Variants in MBD3 observed in about 807,000 individuals in gnomAD.
The protein encoded by MBD3 is methyl-CpG-binding domain protein 3.
A neutral mutation model predicts 31.2 loss-of-function variants in MBD3; 13 were observed. That is an observed-to-expected ratio of 0.42 (90% confidence interval 0.27 to 0.66). The LOEUF is 0.66. Among genes scored for constraint, MBD3 ranks in the 30% least tolerant of loss-of-function variants. The pLI is 0.26. For synonymous variants in MBD3, 223 were observed against 187.4 expected (o/e 1.19, Z -1.55); for missense variants, 440 against 426.5 (o/e 1.03, Z -0.28).
chr19:1,582,547 G>A, intron 4 of MBD3, 75 bp downstream of exon 4: 1 of 1,389,438 alleles, frequency 7.2e-7, no homozygotes, highest in African/African-American at 1.4e-5. Flanking sequence ...ACCCTGCCAG[G>A]AGATGAGGGC....
chr19:1,578,156 C>T lies in MBD3; in HGVS notation c.*8G>A. Reference sequence around the variant, plus strand: ...CAGGCAGCACGGGCTCTCGGCAGGGCCTCTGGAAAGGACAGGGAGGGCTGG... The same window carrying T: ...CAGGCAGCACGGGCTCTCGGCAGGGTCTCTGGAAAGGACAGGGAGGGCTGG... On this transcript the variant is annotated splice_region_variant and 3_prime_UTR_variant, in exon 7 of 7. Coordinates refer to ENST00000434436, the MANE Select transcript of MBD3 (RefSeq NM_001281453.2). The surrounding 1 kb of genome is among the most constrained non-coding windows in gnomAD (Gnocchi z 6.1). 1.1e-6 allele frequency: 1 copy of T among 951,630 alleles called. No individual in the cohort carries two copies. The highest frequency in any genetic ancestry group is 1.6e-6 in the Non-Finnish European group (1 of 643,870). The allele number at this position is 951,630 out of a possible 1,614,324, so 58.9% of individuals were successfully genotyped here.
At position 1,578,322 on chromosome 19, in the gene MBD3, G is replaced by GGCCCCGCA; in HGVS notation, c.*5+5_*5+12dup. The GGCCCCGCA allele has an allele frequency of 6.2e-7, 1 of 1,601,368 alleles. No individual in the cohort carries two copies. Among genetic ancestry groups the GGCCCCGCA allele is most frequent in the Non-Finnish European group, 8.5e-7 (1 of 1,179,694 alleles). ...GGACCCGACTCCAGGGAGCCCCCGT[G>GGCCCCGCA]GCCCCGCAGCACCTGCCCTAGACGT... On this transcript the variant is annotated intron_variant, in intron 6 of 6. Transcript: ENST00000434436. The surrounding 1 kb of genome is among the most constrained non-coding windows in gnomAD (Gnocchi z 6.1).
chr19:1,582,565 G>A, intron 4 of MBD3, 57 bp downstream of exon 4: 1 of 1,530,898 alleles, frequency 6.5e-7, no homozygotes, highest in Non-Finnish European at 9.0e-7. Flanking sequence ...GGCACCTGCA[G>A]CACCTCCACC....
intron 4 of MBD3, 98 bp downstream of exon 4, chr19:1,582,524 G>A: frequency 8.4e-7 from 1 of 1,193,258 alleles, no homozygotes. Flanking sequence ...ACCCAAAGCA[G>A]GAACAGCCAT....
intron 5 of MBD3, 142 bp downstream of exon 5, chr19:1,580,950 C>A: frequency 9.3e-7 from 1 of 1,073,674 alleles, no homozygotes; most frequent in South Asian, 1.4e-5. Flanking sequence ...GACGATGGGT[C>A]CCCTTGCCCT....
rs549639731 is a variant in MBD3 at position 1,591,446 on chromosome 19, G to GGAGCGGTCGTTCTGCCCCTCCTT, written c.110+1053_110+1075dup. The stretch of plus-strand genomic sequence containing the variant: ...CAGAGGACCGAAGTGCACAGTGGAC[G>GGAGCGGTCGTTCTGCCCCTCCTT]GAGCGGTCGTTCTGCCCCTCCTTGG... On this transcript the variant is annotated intron_variant, in intron 1 of 6. Transcript: ENST00000434436. Among the ~76,000 whole-genome samples, 71 of 152,322 alleles carry GGAGCGGTCGTTCTGCCCCTCCTT rather than the reference G, an allele frequency of 4.7e-4. No individual in the cohort carries two copies. In the East Asian group the frequency reaches 0.013, roughly 27 times the overall value.
intron 4 of MBD3, 140 bp downstream of exon 4, chr19:1,582,482 C>T: frequency 1.3e-6 from 1 of 780,454 alleles, no homozygotes; most frequent in Non-Finnish European, 2.1e-6. Context: ...TCCCCTCCTC[C>T]TGCCCCAGTC....
At chr19:1,579,698 G>A (rs1489534280) in intron 5 of MBD3, among the ~76,000 whole-genome samples, 1 of 152,096 alleles carries the variant, frequency 6.6e-6, no homozygotes. Context: ...CCACCTGCTC[G>A]TCATCTTTCC....
Position 1,585,372 on chromosome 19 carries a change from GC to G in MBD3, c.111-159del. The G allele has an allele frequency of 2.7e-6, 2 of 741,308 alleles. No homozygotes were observed. The highest frequency in any genetic ancestry group is 4.3e-6 in the Non-Finnish European group (2 of 460,590). The allele number at this position is 741,308 out of a possible 1,614,324, so 45.9% of individuals were successfully genotyped here. ...TGACCCCAAACCCAGGCAGGCCCTG[GC>G]CCCAGCCCCAGACCCCAACCCTGGC... On this transcript the variant is annotated intron_variant, in intron 1 of 6. Transcript: ENST00000434436. The surrounding 1 kb of genome is among the most constrained non-coding windows in gnomAD (Gnocchi z 4.1).
At chr19:1,583,858 G>A (rs182451886) in intron 3 of MBD3, among the ~76,000 whole-genome samples, 83 of 152,264 alleles carry the variant, frequency 5.5e-4, no homozygotes, top group African/African-American at 1.9e-3. Context: ...GTCTCGCTCT[G>A]TCGCCCAGGC....
chr19:1,592,721 TGCCGCCGCCGCC>T lies in MBD3; in HGVS notation c.-102_-91del. On this transcript the variant is annotated 5_prime_UTR_variant, in exon 1 of 7. Coordinates refer to ENST00000434436, the MANE Select transcript of MBD3 (RefSeq NM_001281453.2). ...CCGCCTCAGCTGCCTCCGCTGCCGC[TGCCGCCGCCGCC>T]ACTTGCCGCGGCTGTTCCGGCCCGC... The T allele has an allele frequency of 3.3e-6, 1 of 305,778 alleles. No homozygotes were observed. The highest frequency in any genetic ancestry group is 2.3e-5 in the African/African-American group (1 of 43,706). 18.9% of individuals were successfully genotyped at this position (305,778 alleles called of 1,614,324 possible). A position where few individuals can be genotyped will look rare whatever the true frequency, so the allele number is the denominator to read the frequency against.
rs150880184 is a variant in MBD3, at chr19:1,578,436, C to T, written c.780G>A (p.Ala260=). 28 of 1,606,046 alleles carry T rather than the reference C, an allele frequency of 1.7e-5. No homozygotes were observed. In the Admixed American group the frequency reaches 1.8e-4, roughly 11 times the overall value. Residue 260 remains alanine, a synonymous_variant, in exon 6 of 7, where the codon GCG becomes GCA. Transcript: ENST00000434436. The surrounding 1 kb of genome is among the most constrained non-coding windows in gnomAD (Gnocchi z 6.1). ...HVEELARDGE[A]PLDKACAEDD... is the part of the protein sequence containing the mutation. ...CCTCAGCGCAGGCCTTGTCCAGCGGCGCCTCCCCGTCACGGGCCAGCTCCT... is the reference window on the plus strand; with the variant it reads ...CCTCAGCGCAGGCCTTGTCCAGCGGTGCCTCCCCGTCACGGGCCAGCTCCT...
intron 5 of MBD3, 129 bp downstream of exon 5, chr19:1,580,963 C>A (rs1202154675): frequency 9.1e-6 from 11 of 1,210,916 alleles, no homozygotes; most frequent in Admixed American, 2.0e-5. Context: ...CTTGCCCTGG[C>A]TGTTTCTGTT....
rs1475420300 is a variant in MBD3, at chr19:1,574,434, A to C, written c.*3730T>G. The C allele has an allele frequency of 2.0e-5, 3 of 152,162 alleles. No individual in the cohort carries two copies. Among genetic ancestry groups the C allele is most frequent in the Admixed American group, 6.5e-5 (1 of 15,274 alleles). 9.4% of individuals were successfully genotyped at this position (152,162 alleles called of 1,614,324 possible). A position where few individuals can be genotyped will look rare whatever the true frequency, so the allele number is the denominator to read the frequency against. On this transcript the variant is annotated 3_prime_UTR_variant, in exon 7 of 7. Transcript: ENST00000434436. ...CTGAATCGGCCTGTCCTGGACATTC[A>C]CACAAATGGGATTGCACGCCGTGTC...
intron 5 of MBD3, among the ~76,000 whole-genome samples, chr19:1,580,243 G>A (rs770746704): frequency 6.6e-6 from 1 of 152,206 alleles, no homozygotes; most frequent in Admixed American, 6.5e-5. Context: ...ACGGCCGGAG[G>A]AGGATGCCGC....
chr19:1,591,190 G>A (rs936996652), intron 1 of MBD3, among the ~76,000 whole-genome samples: 2 of 152,154 alleles, frequency 1.3e-5, no homozygotes, highest in African/African-American at 4.8e-5. Context: ...TGCCCTCCCA[G>A]ATTTCAGCAT....
chr19:1,581,354 G>A, intron 4 of MBD3, 85 bp from the exon 5 acceptor site: 2 of 1,394,166 alleles, frequency 1.4e-6, no homozygotes, highest in Non-Finnish European at 2.0e-6. Context: ...AATGCCCCAA[G>A]AATGGGAGCT....
intron 1 of MBD3, among the ~76,000 whole-genome samples, chr19:1,588,858 G>A (rs1486772786): frequency 2.6e-5 from 4 of 152,010 alleles, no homozygotes; most frequent in Admixed American, 2.0e-4. Flanking sequence ...AAGACTGGGG[G>A]TGGGCGCACA....
chr19:1,587,075 CCTGA>C (rs1050859136), intron 1 of MBD3, among the ~76,000 whole-genome samples: 2 of 151,822 alleles, frequency 1.3e-5, no homozygotes, highest in African/African-American at 4.8e-5. Context: ...ACACCATTCT[CCTGA>C]CTCAGCCTCC....
Sources: allele counts gnomAD v4.1 joint callset (sites outside exome capture counted in the v4.1 genomes callset), GRCh38; gene constraint gnomAD v4.1.1; non-coding constraint Gnocchi (gnomAD v3.1); transcripts MANE v1.5; gene names NCBI Gene and HGNC (gene_info 2026-07-23, HGNC 2026-07-21).